USP54: variants seen among roughly 807,000 people sequenced by gnomAD.
USP54 encodes ubiquitin specific peptidase 54.
A neutral mutation model predicts 170.5 loss-of-function variants in USP54; 87 were observed. The ratio of observed to expected loss-of-function variants is 0.51; its 90% CI spans 0.43 to 0.61. The LOEUF (loss-of-function observed/expected upper bound fraction) is 0.61, where lower values mean the gene tolerates loss of function less well. USP54 is among the 20% of genes least tolerant of loss of function. The probability of loss-of-function intolerance (pLI) is 0.00; values close to 1 mark genes in which losing one functional copy is unlikely to be tolerated. For synonymous variants in USP54, 655 were observed against 742.8 expected (o/e 0.88, Z 1.92); for missense variants, 1,786 against 2,047.8 (o/e 0.87, Z 2.47).
intron 1 of USP54, among the ~76,000 whole-genome samples, chr10:73,589,800 G>A (rs763768528): frequency 1.3e-5 from 2 of 152,098 alleles, no homozygotes; most frequent in Admixed American, 6.6e-5. Flanking sequence ...GGGCGACAGA[G>A]GATACCAAAG....
intron 12 of USP54, 86 bp from the exon 13 acceptor site, chr10:73,530,921 T>C: frequency 5.8e-6 from 9 of 1,562,656 alleles, no homozygotes; most frequent in Non-Finnish European, 7.8e-6. Flanking sequence ...CCTTTGGGAG[T>C]GCCACAAATT....
intron 1 of USP54, among the ~76,000 whole-genome samples, chr10:73,624,233 T>C (rs1449649963): frequency 7.0e-6 from 1 of 143,000 alleles, no homozygotes; most frequent in African/African-American, 2.6e-5. Context: ...AGTCTCGCTC[T>C]GTCGCCCAGA....
intron 1 of USP54, among the ~76,000 whole-genome samples, chr10:73,622,500 T>G (rs1371326947): frequency 6.6e-6 from 1 of 151,918 alleles, no homozygotes; most frequent in East Asian, 1.9e-4. Context: ...ATTTTTGTAT[T>G]TTTAGTAGAG....
intron 1 of USP54, among the ~76,000 whole-genome samples, chr10:73,623,110 G>A (rs1400112412): frequency 2.0e-5 from 3 of 152,162 alleles, no homozygotes. Context: ...GGGCATGGTG[G>A]CTCAAGCCTG....
intron 4 of USP54, among the ~76,000 whole-genome samples, chr10:73,568,596 G>GA (rs747054952): frequency 6.1e-4 from 92 of 150,712 alleles, no homozygotes; most frequent in Non-Finnish European, 2.8e-4. Context: ...GCCCTTAGGG[G>GA]AAAAAAAAAT....
chr10:73,554,528 A>G lies in USP54; in HGVS notation c.241-8856T>C, dbSNP rs374433213. The stretch of plus-strand genomic sequence containing the variant: ...TTTCTGTATTCAAAAGAATGTTGAA[A>G]GTTGTCTTTTAAGAGGGGAAAAACA... On this transcript the variant is annotated intron_variant, in intron 4 of 23. Transcript: ENST00000687698. Among the ~76,000 whole-genome samples the G allele has an allele frequency of 2.0e-4, 30 of 152,338 alleles. No individual in the cohort carries two copies. The East Asian group carries it at 2.7e-3, about 14-fold the overall frequency.
At chr10:73,586,246 T>C (rs2132172165) in intron 1 of USP54, among the ~76,000 whole-genome samples, 1 of 152,334 alleles carries the variant, frequency 6.6e-6, no homozygotes, top group African/African-American at 2.4e-5. Flanking sequence ...TCTCATTGTC[T>C]TGACTCTAAT....
chr10:73,566,958 C>A (rs763675422), intron 4 of USP54, among the ~76,000 whole-genome samples: 1 of 151,920 alleles, frequency 6.6e-6, no homozygotes, highest in South Asian at 2.1e-4. Flanking sequence ...CTCACTGCAA[C>A]CTCCGCTTCC....
intron 4 of USP54, among the ~76,000 whole-genome samples, chr10:73,549,651 T>C (rs2068755770): frequency 6.6e-6 from 1 of 152,174 alleles, no homozygotes; most frequent in African/African-American, 2.4e-5. Context: ...CAAATATATC[T>C]AGACCCTACA....
intron 4 of USP54, among the ~76,000 whole-genome samples, chr10:73,554,911 C>A (rs1312574774): frequency 4.6e-5 from 7 of 152,172 alleles, no homozygotes; most frequent in Admixed American, 4.6e-4. Flanking sequence ...AGTTTGAGAC[C>A]AGCCTGGGCA....
At chr10:73,603,725 G>A (rs2079386911) in intron 1 of USP54, among the ~76,000 whole-genome samples, 1 of 151,522 alleles carries the variant, frequency 6.6e-6, no homozygotes, top group Non-Finnish European at 1.5e-5. Flanking sequence ...TCCAGCCTGG[G>A]TGACAGAGTG....
Position 73,526,760 on chromosome 10 carries a change from G to A in USP54, c.2081C>T (p.Ser694Leu). ...NVYRDPSAKR[S>L]AGLVPSWRHI... ...ACGCCAGGAAGGAACCAACCCAGCTGATCTCTTAGCACTTGGATCCCTTCA... is the reference window on the plus strand; with the variant it reads ...ACGCCAGGAAGGAACCAACCCAGCTAATCTCTTAGCACTTGGATCCCTTCA... Residue 694 changes from serine to leucine, a missense_variant, in exon 16 of 24, where the codon TCA (serine) becomes TTA (leucine). Physicochemically the swap from Ser to Leu is moderately radical, Grantham distance 145. Transcript: ENST00000687698. The A allele has an allele frequency of 6.2e-7, 1 of 1,613,956 alleles. No individual in the cohort carries two copies. The highest frequency in any genetic ancestry group is 8.5e-7 in the Non-Finnish European group (1 of 1,179,970).
At chr10:73,505,855 G>C (rs558420941) in intron 20 of USP54, 14 of 152,320 alleles carry the variant, frequency 9.2e-5, no homozygotes, top group African/African-American at 3.4e-4. Flanking sequence ...GGGTGACAGA[G>C]CGAGACTCCG....
chr10:73,611,506 A>G (rs1255097517), intron 1 of USP54: 2 of 151,938 alleles, frequency 1.3e-5, no homozygotes, highest in Non-Finnish European at 2.9e-5. Flanking sequence ...TAAATAAAAA[A>G]TAGGCTGGGC....
rs1264362708 is a variant in USP54, at chr10:73,534,602, G to A, written c.1313C>T (p.Thr438Ile). Residue 438 changes from threonine (T) to isoleucine (I), a missense_variant and splice_region_variant, in exon 12 of 24, where the codon ACA becomes ATA. Coordinates refer to ENST00000687698, the MANE Select transcript of USP54 (RefSeq NM_001391956.1). ...NDSMSQSSRD[T>I]GHLTDSECNQ... ...GGACCCTCTGTATAAGTCCCTACCT[G>A]TGTCCCGACTGCTCTGAGACATGGA... The A allele has an allele frequency of 6.2e-7, 1 of 1,613,682 alleles. No individual in the cohort carries two copies. The highest frequency in any genetic ancestry group is 8.5e-7 in the Non-Finnish European group (1 of 1,179,816).
chr10:73,519,273 C>CTAA (rs1370937657), intron 19 of USP54: 1 of 156,164 alleles, frequency 6.4e-6, no homozygotes, highest in Admixed American at 6.2e-5. Flanking sequence ...AATTCCAGGG[C>CTAA]TAAGATGTGA....
chr10:73,562,103 T>TA (rs2073200043), intron 4 of USP54, among the ~76,000 whole-genome samples: 1 of 151,240 alleles, frequency 6.6e-6, no homozygotes, highest in Non-Finnish European at 1.5e-5. Flanking sequence ...TCTGTCTCAT[T>TA]AAAAAAAAGA....
At chr10:73,556,378 C>G (rs1424041652) in intron 4 of USP54, among the ~76,000 whole-genome samples, 1 of 144,920 alleles carries the variant, frequency 6.9e-6, no homozygotes, top group Non-Finnish European at 1.5e-5. Context: ...GAGTCTCCCT[C>G]TGTCACCCAG....
chr10:73,587,368 G>A (rs569532282), intron 1 of USP54, among the ~76,000 whole-genome samples: 24 of 152,184 alleles, frequency 1.6e-4, no homozygotes, highest in Admixed American at 3.3e-4. Flanking sequence ...CCAGCTACTC[G>A]GGAGGATGAG....
Sources: allele counts gnomAD v4.1 joint callset (sites outside exome capture counted in the v4.1 genomes callset), GRCh38; gene constraint gnomAD v4.1.1; transcripts MANE v1.5; gene names NCBI Gene and HGNC (gene_info 2026-07-23, HGNC 2026-07-21).